The following CDH18 variants were observed in gnomAD, a reference collection of about 807,000 sequenced individuals.
The protein encoded by CDH18 is cadherin 18.
Under a neutral mutation model 67.9 loss-of-function variants are expected in CDH18, and 31 were observed. The ratio of observed to expected loss-of-function variants is 0.46; its 90% CI spans 0.34 to 0.62. CDH18 has a LOEUF of 0.62. Ranked by LOEUF, CDH18 falls within the 20% of genes least tolerant of loss-of-function variation. The pLI is 0.01. For missense variants in CDH18, 890 were observed against 975.5 expected, an observed-to-expected ratio of 0.91 and a Z score of 1.17; for synonymous variants, 362 against 347.2, an observed-to-expected ratio of 1.04 and a Z score of -0.48.
intron 1 of CDH18, among the ~76,000 whole-genome samples, chr5:20,570,663 T>A (rs903211290): frequency 6.6e-6 from 1 of 152,116 alleles, no homozygotes; most frequent in Non-Finnish European, 1.5e-5. Flanking sequence ...CAAGTTAGAG[T>A]GACTGCAGTT....
intron 2 of CDH18, among the ~76,000 whole-genome samples, chr5:20,009,520 A>G (rs1737215500): frequency 6.6e-6 from 1 of 152,160 alleles, no homozygotes; most frequent in Non-Finnish European, 1.5e-5. Context: ...AGGGATGTAG[A>G]ACATCACTGG....
At chr5:19,788,170 T>C (rs1481293531) in intron 3 of CDH18, among the ~76,000 whole-genome samples, 1 of 152,158 alleles carries the variant, frequency 6.6e-6, no homozygotes, top group Non-Finnish European at 1.5e-5. Flanking sequence ...TCCTCAAATG[T>C]CCTGTTATTA....
intron 9 of CDH18, among the ~76,000 whole-genome samples, chr5:19,524,893 C>G (rs1320690316): frequency 6.6e-6 from 1 of 152,046 alleles, no homozygotes; most frequent in East Asian, 1.9e-4. Context: ...CTACAGGCGC[C>G]CGCCACCACG....
chr5:19,514,023 C>T (rs1469188202), intron 10 of CDH18, among the ~76,000 whole-genome samples: 4 of 151,968 alleles, frequency 2.6e-5, no homozygotes, highest in Non-Finnish European at 5.9e-5. Flanking sequence ...CAGGCCCCAG[C>T]GTGTGATGTT....
intron 2 of CDH18, among the ~76,000 whole-genome samples, chr5:20,075,164 A>G (rs1033319472): frequency 1.3e-5 from 2 of 152,162 alleles, no homozygotes; most frequent in African/African-American, 4.8e-5. Context: ...AGATTTCCCA[A>G]TAACTCTTTG....
At chr5:19,750,777 T>C (rs1331346761) in intron 3 of CDH18, among the ~76,000 whole-genome samples, 2 of 140,390 alleles carry the variant, frequency 1.4e-5, no homozygotes, top group Non-Finnish European at 3.1e-5. Flanking sequence ...CCCCCCCACT[T>C]TTTTTAAATC....
intron 3 of CDH18, among the ~76,000 whole-genome samples, chr5:19,750,016 C>T (rs1307120068): frequency 6.6e-6 from 1 of 151,900 alleles, no homozygotes; most frequent in Non-Finnish European, 1.5e-5. Context: ...GATTACATTG[C>T]TTTCTAAGAA....
rs545813169 is a variant in CDH18 at position 20,355,715 on chromosome 5, T to C, written c.-579-100210A>G. On this transcript the variant is annotated intron_variant, in intron 1 of 14. Transcript: ENST00000507958. ...TATTAAGGTAAGGTAAAACTACTTT[T>C]GTATATTTATAGCTAAGTGTTTATG... Among the ~76,000 whole-genome samples, 287 of 152,348 alleles carry C rather than the reference T, an allele frequency of 1.9e-3. 1 individual carries two copies. The highest frequency in any genetic ancestry group is 6.4e-3 in the African/African-American group (266 of 41,598).
chr5:20,376,994 G>T (rs1288422647), intron 1 of CDH18, among the ~76,000 whole-genome samples: 1 of 148,402 alleles, frequency 6.7e-6, no homozygotes, highest in African/African-American at 2.5e-5. Flanking sequence ...CCCAACCTGG[G>T]TGACAAGAAT....
intron 3 of CDH18, among the ~76,000 whole-genome samples, chr5:19,810,926 G>C (rs181261693): frequency 2.0e-4 from 30 of 151,932 alleles, no homozygotes; most frequent in Middle Eastern, 6.8e-3. Context: ...GGGAGGCTGA[G>C]GCAGGAGAAT....
In CDH18 at chr5:20,142,457, G is replaced by A. The variant is rs1464963181; in HGVS notation, c.-518+112987C>T. ...TGGCCCGGCGTGGTGGCAAGCACCC[G>A]TAGTCTCAACTATTTGGGTGGCAGA... On this transcript the variant is annotated intron_variant, in intron 2 of 14. Transcript: ENST00000507958. Among the ~76,000 whole-genome samples, 4 of 151,882 alleles carry A rather than the reference G, an allele frequency of 2.6e-5. No homozygotes were observed. The South Asian group carries it at 6.2e-4, about 24-fold the overall frequency.
intron 1 of CDH18, chr5:20,304,184 T>C (rs1294561971): frequency 6.6e-7 from 1 of 1,525,752 alleles, no homozygotes; most frequent in Non-Finnish European, 9.1e-7. Flanking sequence ...AATAAAAACG[T>C]TATTTTTCCC....
At chr5:20,471,895 C>T (rs114836595) in intron 1 of CDH18, among the ~76,000 whole-genome samples, 3,296 of 14,448 alleles carry the variant, frequency 0.23, 131 homozygotes, top group African/African-American at 0.39. Context: ...CCAAGTTTTC[C>T]GTCTGTGAAA....
intron 2 of CDH18, among the ~76,000 whole-genome samples, chr5:20,185,680 C>A (rs1193050225): frequency 2.0e-5 from 3 of 151,974 alleles, no homozygotes. Flanking sequence ...AATATTACTC[C>A]ATCTAAGAAG....
intron 2 of CDH18, among the ~76,000 whole-genome samples, chr5:20,203,129 C>T (rs1739582060): frequency 6.6e-6 from 1 of 152,102 alleles, no homozygotes; most frequent in African/African-American, 2.4e-5. Context: ...AATGTTCCTC[C>T]TACTCATGGT....
intron 5 of CDH18, among the ~76,000 whole-genome samples, chr5:19,623,841 A>G (rs1344830820): frequency 7.4e-6 from 1 of 134,492 alleles, no homozygotes; most frequent in Non-Finnish European, 1.7e-5. Context: ...TTGACAACAT[A>G]GGTCCATAAG....
chr5:19,580,206 G>A lies in CDH18; in HGVS notation c.1000-8374C>T, dbSNP rs1169473906. Among the ~76,000 whole-genome samples, 9 of 151,624 alleles carry A rather than the reference G, an allele frequency of 5.9e-5. No individual in the cohort carries two copies. In the East Asian group the frequency reaches 1.7e-3, roughly 29 times the overall value. On this transcript the variant is annotated intron_variant, in intron 7 of 12. Transcript: ENST00000382275. ...CAATATGGGTGGATATAAATCCTTTGGCTGAATTTATTTTCTTGAGTATCC... is the reference window on the plus strand; with the variant it reads ...CAATATGGGTGGATATAAATCCTTTAGCTGAATTTATTTTCTTGAGTATCC...
chr5:20,430,079 A>G (rs1352329690), intron 1 of CDH18, among the ~76,000 whole-genome samples: 3 of 152,206 alleles, frequency 2.0e-5, no homozygotes, highest in Admixed American at 1.3e-4. Flanking sequence ...AACTAGGGCC[A>G]TAACACTCTA....
Position 20,131,161 on chromosome 5 carries a change from C to A in CDH18, c.-518+124283G>T, listed in dbSNP as rs116733721. On this transcript the variant is annotated intron_variant, in intron 2 of 14. Transcript: ENST00000507958. ...TCTACTTTCTTTTTAAAAATGTATT[C>A]TTCCTTCTTCTCTTGCTTAGTTTTG... 2.6e-3 allele frequency among the ~76,000 whole-genome samples: 389 copies of A among 152,052 alleles called. 2 individuals are homozygous for A. Among genetic ancestry groups the A allele is most frequent in the African/African-American group, 9.1e-3 (378 of 41,522 alleles).
Sources: gnomAD v4.1 joint callset for allele counts (sites outside exome capture counted in the v4.1 genomes callset) on GRCh38, gnomAD v4.1.1 for gene constraint, MANE v1.5 for transcripts, NCBI Gene and HGNC (gene_info 2026-07-23, HGNC 2026-07-21) for gene names.